Variants in ESRRG observed in about 807,000 individuals in gnomAD.
ESRRG encodes estrogen-related receptor gamma.
In ESRRG, 13 loss-of-function variants were observed where a neutral mutation model predicts 44.0. The ratio of observed to expected loss-of-function variants is 0.30; its 90% CI spans 0.19 to 0.47. ESRRG has a LOEUF of 0.47. Among genes scored for constraint, ESRRG ranks in the 20% least tolerant of loss-of-function variants. The pLI is 1.00. For missense variants in ESRRG, 395 were observed against 580.6 expected (o/e 0.68, Z 3.29); for synonymous variants, 215 against 214.6 (o/e 1.00, Z -0.02).
At chr1:216,723,526 C>T (rs1443271492), upstream of ESRRG, 1 of 523,976 alleles carries the variant, frequency 1.9e-6, no homozygotes, top group East Asian at 3.2e-5. Context: ...AGCCGCGCAG[C>T]CGATTGGGGG....
chr1:216,528,291 C>T (rs192751556), intron 5 of ESRRG, among the ~76,000 whole-genome samples: 92 of 152,264 alleles, frequency 6.0e-4, no homozygotes, highest in Middle Eastern at 3.4e-3. Context: ...GCCACTTAGA[C>T]TCTGATAAAG....
chr1:216,707,526 A>G, intron 1 of ESRRG: 7 of 1,510,440 alleles, frequency 4.6e-6, no homozygotes, highest in South Asian at 3.8e-5. Flanking sequence ...GAAAGTTGCA[A>G]TTTGCTGAAG....
At chr1:216,779,540 TTA>T (rs1385560699) in intron 2 of ESRRG, among the ~76,000 whole-genome samples, 1 of 78,878 alleles carries the variant, frequency 1.3e-5, no homozygotes, top group Non-Finnish European at 2.2e-5. Flanking sequence ...ATATTTATAT[TTA>T]TATATATAAT....
At chr1:216,795,875 G>A (rs978944802) in intron 2 of ESRRG, among the ~76,000 whole-genome samples, 2 of 152,110 alleles carry the variant, frequency 1.3e-5, no homozygotes, top group Non-Finnish European at 2.9e-5. Flanking sequence ...GCAAAGCAGA[G>A]TGCAGGGTAG....
rs757152357 is a variant in ESRRG at position 216,507,198 on chromosome 1, A to C, written c.1133-15T>G. 6.4e-6 allele frequency: 10 copies of C among 1,554,906 alleles called. No homozygotes were observed. The highest frequency in any genetic ancestry group is 7.9e-6 in the Non-Finnish European group (9 of 1,144,002). On this transcript the variant is annotated splice_polypyrimidine_tract_variant and intron_variant, in intron 6 of 6. Coordinates refer to ENST00000408911, the MANE Select transcript of ESRRG (RefSeq NM_001438.4). ...GTGCATGGAGTCTGTGCAATGAAGC[A>C]AAAGATATGAGTAATTATAATAATA...
intron 2 of ESRRG, among the ~76,000 whole-genome samples, chr1:216,661,767 G>A (rs2072503454): frequency 6.6e-6 from 1 of 152,132 alleles, no homozygotes; most frequent in African/African-American, 2.4e-5. Flanking sequence ...ATTAGAGTTT[G>A]CTTTTAAGAT....
chr1:217,042,965 A>G (rs529702737), intron 1 of ESRRG, among the ~76,000 whole-genome samples: 1 of 152,056 alleles, frequency 6.6e-6, no homozygotes, highest in African/African-American at 2.4e-5. Context: ...GACATTAATG[A>G]CACCTCTTTA....
chr1:216,697,738 T>C (rs976400421), intron 1 of ESRRG, among the ~76,000 whole-genome samples: 1 of 152,206 alleles, frequency 6.6e-6, no homozygotes, highest in East Asian at 1.9e-4. Flanking sequence ...GGATAACAAT[T>C]AATTTAACAC....
intron 1 of ESRRG, among the ~76,000 whole-genome samples, chr1:217,133,654 T>TCTTTCTTTCTTTCTTC (rs1284945920): frequency 1.6e-5 from 1 of 62,120 alleles, no homozygotes; most frequent in East Asian, 4.5e-4. Flanking sequence ...TCTCTTTCTT[T>TCTTTCTTTCTTTCTTC]CTTTCTTTCT....
At chr1:217,056,299 A>G (rs1232772369) in intron 1 of ESRRG, among the ~76,000 whole-genome samples, 2 of 152,152 alleles carry the variant, frequency 1.3e-5, no homozygotes, top group African/African-American at 4.8e-5. Flanking sequence ...TTTGGCCAAT[A>G]CACTCAACCA....
chr1:216,914,696 A>G (rs1421513006), intron 2 of ESRRG, among the ~76,000 whole-genome samples: 3 of 152,212 alleles, frequency 2.0e-5, no homozygotes, highest in African/African-American at 7.2e-5. Context: ...CCAGTAGCGT[A>G]CCTGATGCCA....
Position 216,854,264 on chromosome 1 carries a change from G to A in ESRRG, c.-14+85318C>T, listed in dbSNP as rs530462129. On this transcript the variant is annotated intron_variant, in intron 2 of 7. Coordinates refer to the ESRRG transcript ENST00000359162. ...CCCAGCTACTCAGGAGGCTGAGGCA[G>A]GAGAATCCCTTGAACCCCAGAAGTG... Among the ~76,000 whole-genome samples, 3 of 147,074 alleles carry A rather than the reference G, an allele frequency of 2.0e-5. No individual in the cohort carries two copies. In the South Asian group the frequency reaches 6.4e-4, roughly 31 times the overall value.
intron 2 of ESRRG, among the ~76,000 whole-genome samples, chr1:216,765,462 T>G (rs1167202126): frequency 4.6e-5 from 7 of 152,104 alleles, no homozygotes; most frequent in African/African-American, 1.2e-4. Flanking sequence ...AAAGGTTAAC[T>G]TAACTGTGCA....
At chr1:217,036,001 G>A (rs572960599) in intron 1 of ESRRG, among the ~76,000 whole-genome samples, 100 of 152,078 alleles carry the variant, frequency 6.6e-4, no homozygotes, top group Non-Finnish European at 1.3e-3. Context: ...ATGGACAAAG[G>A]ACATGAACAG....
chr1:216,805,871 C>T (rs1177675828), intron 2 of ESRRG, among the ~76,000 whole-genome samples: 1 of 152,134 alleles, frequency 6.6e-6, no homozygotes, highest in Non-Finnish European at 1.5e-5. Flanking sequence ...TACAGCCTCC[C>T]TGCTAGGGAC....
chr1:216,684,871 A>T (rs533096585), intron 1 of ESRRG, among the ~76,000 whole-genome samples: 1 of 152,244 alleles, frequency 6.6e-6, no homozygotes. Flanking sequence ...AGGCAAATTA[A>T]GTGTTTTAAC....
chr1:216,532,213 A>G (rs975242053), intron 5 of ESRRG, among the ~76,000 whole-genome samples: 9 of 152,088 alleles, frequency 5.9e-5, no homozygotes, highest in Non-Finnish European at 2.9e-5. Context: ...GGATGATGCC[A>G]TAGTGGAGAT....
chr1:216,831,252 C>A (rs1472144096), intron 2 of ESRRG, among the ~76,000 whole-genome samples: 2 of 151,906 alleles, frequency 1.3e-5, no homozygotes, highest in Admixed American at 6.6e-5. Flanking sequence ...TAGCACCGAT[C>A]AACTGTTAAT....
At chr1:216,886,660 T>G (rs1191615049) in intron 2 of ESRRG, among the ~76,000 whole-genome samples, 1 of 152,228 alleles carries the variant, frequency 6.6e-6, no homozygotes, top group Non-Finnish European at 1.5e-5. Context: ...ATTTTGTTTT[T>G]CCATTATCTT....
Sources: allele counts gnomAD v4.1 joint callset (sites outside exome capture counted in the v4.1 genomes callset), GRCh38; gene constraint gnomAD v4.1.1; transcripts MANE v1.5; gene names NCBI Gene and HGNC (gene_info 2026-07-23, HGNC 2026-07-21).